Variants in ANKRD11 observed in about 807,000 individuals in gnomAD.
ANKRD11 encodes ankyrin repeat domain-containing protein 11.
Under a neutral mutation model 195.7 loss-of-function variants are expected in ANKRD11, and 17 were observed. The observed-to-expected ratio is 0.09, with a 90% confidence interval of 0.06 to 0.13. The LOEUF (loss-of-function observed/expected upper bound fraction) is 0.13, where lower values mean the gene tolerates loss of function less well. Ranked by LOEUF, ANKRD11 falls within the 10% of genes least tolerant of loss-of-function variation. The pLI is 1.00. For synonymous variants in ANKRD11, 1,953 were observed against 1,528.1 expected (o/e 1.28, Z -6.49); for missense variants, 3,735 against 3,566.1 (o/e 1.05, Z -1.21).
intron 1 of ANKRD11, among the ~76,000 whole-genome samples, chr16:89,469,959 G>T (rs577461904): frequency 1.3e-5 from 2 of 151,020 alleles, no homozygotes; most frequent in Non-Finnish European, 2.9e-5. Flanking sequence ...AGGCTGGAGC[G>T]CAGTGGTGCG....
chr16:89,353,864 G>A (rs1032569040), intron 2 of ANKRD11, among the ~76,000 whole-genome samples: 9 of 152,194 alleles, frequency 5.9e-5, no homozygotes, highest in Non-Finnish European at 1.0e-4. Context: ...TGAGACACCC[G>A]AAACAAGACA....
rs564507982 is a variant in ANKRD11, at chr16:89,351,644, T to C, written c.-59-34566A>G. 2.6e-5 allele frequency among the ~76,000 whole-genome samples: 4 copies of C among 152,336 alleles called. No individual in the cohort carries two copies. The East Asian group carries it at 5.8e-4, about 22-fold the overall frequency. ...CTGTGGGCACTGCAGACATAGGCCC[T>C]GTGACCTGGGCGCAGGTTCGTGTCA... On this transcript the variant is annotated intron_variant, in intron 2 of 12. Transcript: ENST00000301030.
intron 2 of ANKRD11, among the ~76,000 whole-genome samples, chr16:89,364,794 A>G (rs963692452): frequency 2.0e-5 from 3 of 152,124 alleles, no homozygotes; most frequent in African/African-American, 7.2e-5. Context: ...AGAATCACAC[A>G]ATCTCATCTC....
intron 1 of ANKRD11, among the ~76,000 whole-genome samples, chr16:89,427,840 T>C (rs1448684073): frequency 2.0e-5 from 3 of 151,824 alleles, no homozygotes; most frequent in African/African-American, 4.8e-5. Context: ...TTTTCTAAAA[T>C]GATTATTTTT....
chr16:89,414,057 C>A (rs1433220605), intron 2 of ANKRD11, among the ~76,000 whole-genome samples: 1 of 151,852 alleles, frequency 6.6e-6, no homozygotes, highest in African/African-American at 2.4e-5. Flanking sequence ...GGCCTGCACA[C>A]CCTCCAGGAT....
chr16:89,367,062 A>C (rs966362), intron 2 of ANKRD11, among the ~76,000 whole-genome samples: 10,624 of 151,678 alleles, frequency 0.07, 975 homozygotes, highest in African/African-American at 0.22. Flanking sequence ...TGCTAGGACG[A>C]CCTCTCCTCT....
At chr16:89,416,251 T>A (rs2042307249) in intron 2 of ANKRD11, among the ~76,000 whole-genome samples, 1 of 152,166 alleles carries the variant, frequency 6.6e-6, no homozygotes, top group African/African-American at 2.4e-5. Flanking sequence ...GCAGAGTTGC[T>A]GATAGCTTGC....
chr16:89,281,026 G>A lies in ANKRD11; in HGVS notation c.5516C>T (p.Pro1839Leu), dbSNP rs1171557489. 6.3e-7 allele frequency: 1 copy of A among 1,595,506 alleles called. No individual in the cohort carries two copies. The highest frequency in any genetic ancestry group is 8.6e-7 in the Non-Finnish European group (1 of 1,169,204). The change falls in exon 9 of 13, where the codon CCC (proline) becomes CTC (leucine). Residue 1839 changes from proline to leucine, a missense_variant. Coordinates refer to ENST00000301030, the MANE Select transcript of ANKRD11 (RefSeq NM_013275.6). The surrounding 1 kb of genome is among the most constrained non-coding windows in gnomAD (Gnocchi z 5.5). Reference sequence around the variant, plus strand: ...CGACAAGCAGGCAAACTTCTCCGCGGGAACCGGGGGCAGGGGCGCCCTGTC... The same window carrying A: ...CGACAAGCAGGCAAACTTCTCCGCGAGAACCGGGGGCAGGGGCGCCCTGTC... ...MEDRAPLPPV[P>L]AEKFACLSPG...
Position 89,286,030 on chromosome 16 carries a change from G to GT in ANKRD11, c.892+8dup. ...AAAAGAACAGGCAGCTCAGGTGGCC[G>GT]TGACTTACCCGTCGAGCTCTCCTCG... On this transcript the variant is annotated intron_variant, in intron 8 of 12. Transcript: ENST00000301030. The GT allele has an allele frequency of 6.2e-7, 1 of 1,614,178 alleles. No individual in the cohort carries two copies. Among genetic ancestry groups the GT allele is most frequent in the Non-Finnish European group, 8.5e-7 (1 of 1,180,048 alleles).
At chr16:89,412,972 A>T (rs925184806) in intron 2 of ANKRD11, among the ~76,000 whole-genome samples, 1 of 152,044 alleles carries the variant, frequency 6.6e-6, no homozygotes, top group Non-Finnish European at 1.5e-5. Flanking sequence ...CATGAGGGAA[A>T]ACAGCTGACA....
intron 2 of ANKRD11, among the ~76,000 whole-genome samples, chr16:89,356,688 G>A (rs2039490650): frequency 6.6e-6 from 1 of 150,946 alleles, no homozygotes. Flanking sequence ...GGCTGAGGCA[G>A]GAGAATGGTA....
At chr16:89,278,689 G>A (rs773513529) in intron 9 of ANKRD11, 74 of 482,026 alleles carry the variant, frequency 1.5e-4, no homozygotes, top group African/African-American at 8.0e-4. Flanking sequence ...GGGAGAAGGG[G>A]GCGGGGCAGG....
intron 2 of ANKRD11, among the ~76,000 whole-genome samples, chr16:89,378,975 T>C (rs918154389): frequency 3.9e-5 from 6 of 152,364 alleles, no homozygotes; most frequent in African/African-American, 1.4e-4. Flanking sequence ...GTCAAGGTTC[T>C]GACGGCACAC....
At chr16:89,315,731 A>C (rs1245374484) in intron 3 of ANKRD11, among the ~76,000 whole-genome samples, 3 of 152,184 alleles carry the variant, frequency 2.0e-5, no homozygotes, top group Admixed American at 1.3e-4. Context: ...GTCGTTTAGC[A>C]CCTGCACGTG....
intron 2 of ANKRD11, among the ~76,000 whole-genome samples, chr16:89,388,293 A>ATTTTTTTGTTT (rs2041016784): frequency 1.2e-5 from 1 of 85,266 alleles, no homozygotes; most frequent in Non-Finnish European, 2.3e-5. Flanking sequence ...CATGAGGCTG[A>ATTTTTTTGTTT]TTTTTTTTTT....
At chr16:89,381,130 C>A (rs2040626564) in intron 2 of ANKRD11, among the ~76,000 whole-genome samples, 1 of 151,976 alleles carries the variant, frequency 6.6e-6, no homozygotes, top group South Asian at 2.1e-4. Context: ...TGAGACCAGC[C>A]CGGCCAACAT....
intron 1 of ANKRD11, among the ~76,000 whole-genome samples, chr16:89,426,598 G>A (rs1211137598): frequency 6.7e-5 from 10 of 148,766 alleles, no homozygotes; most frequent in African/African-American, 2.5e-4. Context: ...GAAGACATAA[G>A]ACCAACCTTT....
At chr16:89,429,036 A>G (rs1013715329) in intron 1 of ANKRD11, among the ~76,000 whole-genome samples, 1 of 151,986 alleles carries the variant, frequency 6.6e-6, no homozygotes, top group Non-Finnish European at 1.5e-5. Flanking sequence ...GGTTGGGGGG[A>G]GGGAAGGGAC....
intron 2 of ANKRD11, among the ~76,000 whole-genome samples, chr16:89,344,556 G>C (rs2038847682): frequency 6.6e-6 from 1 of 152,214 alleles, no homozygotes; most frequent in African/African-American, 2.4e-5. Flanking sequence ...GCTCCTCCTT[G>C]TCTGAACGCT....
Sources: gnomAD v4.1 joint callset for allele counts (sites outside exome capture counted in the v4.1 genomes callset) on GRCh38, gnomAD v4.1.1 for gene constraint, Gnocchi (gnomAD v3.1) non-coding constraint, MANE v1.5 for transcripts, NCBI Gene and HGNC (gene_info 2026-07-23, HGNC 2026-07-21) for gene names.